Variants in LATS2 observed in about 807,000 individuals in gnomAD.
LATS2 encodes the protein large tumor suppressor kinase 2.
A neutral mutation model predicts 76.0 loss-of-function variants in LATS2; 24 were observed. That is an observed-to-expected ratio of 0.32 (90% CI 0.23 to 0.44). The LOEUF is 0.44. Ranked by LOEUF, LATS2 falls within the 20% of genes least tolerant of loss-of-function variation. The probability of loss-of-function intolerance (pLI) is 1.00; values close to 1 mark genes in which losing one functional copy is unlikely to be tolerated. For missense variants in LATS2, 1,286 were observed against 1,481.2 expected (o/e 0.87, Z 2.16); for synonymous variants, 692 against 635.4 (o/e 1.09, Z -1.34).
chr13:21,001,206 G>C (rs1044625554), intron 2 of LATS2, among the ~76,000 whole-genome samples: 1 of 152,202 alleles, frequency 6.6e-6, no homozygotes, highest in Non-Finnish European at 1.5e-5. Flanking sequence ...TGTCACAATG[G>C]AGATAGGTGA....
chr13:20,992,312 T>C (rs1870540788), intron 2 of LATS2, among the ~76,000 whole-genome samples: 1 of 152,108 alleles, frequency 6.6e-6, no homozygotes, highest in Admixed American at 6.5e-5. Context: ...TTTGCTCCTG[T>C]CTGCAGGCAT....
At chr13:21,006,035 G>A (rs2138327546) in intron 2 of LATS2, among the ~76,000 whole-genome samples, 2 of 152,148 alleles carry the variant, frequency 1.3e-5, no homozygotes, top group South Asian at 4.1e-4. Context: ...TACTCGGGAG[G>A]CTGAGGCAGG....
At chr13:21,016,851 C>A (rs1871819870) in intron 2 of LATS2, among the ~76,000 whole-genome samples, 1 of 152,224 alleles carries the variant, frequency 6.6e-6, no homozygotes, top group African/African-American at 2.4e-5. Context: ...CTCTCTTTAT[C>A]ACGGCAGAGT....
chr13:21,046,094 A>AC lies in LATS2; in HGVS notation c.-69dup. The AC allele has an allele frequency of 9.5e-7, 1 of 1,047,564 alleles. No homozygotes were observed. Among genetic ancestry groups the AC allele is most frequent in the Admixed American group, 2.6e-5 (1 of 39,124 alleles). The allele number at this position is 1,047,564 out of a possible 1,614,324, so 64.9% of individuals were successfully genotyped here. On this transcript the variant is annotated 5_prime_UTR_variant, in exon 2 of 8. Transcript: ENST00000382592. ...AGTGTTTTATTATTTAAAAAAAAAA[A>AC]CTGTCAATAGTATCAGTTTGTTGTA...
At chr13:21,041,165 G>A (rs183437445) in intron 2 of LATS2, among the ~76,000 whole-genome samples, 1 of 152,056 alleles carries the variant, frequency 6.6e-6, no homozygotes, top group Non-Finnish European at 1.5e-5. Flanking sequence ...GTACAGACAG[G>A]GTTTCACCAT....
At chr13:21,025,764 G>A (rs980884177) in intron 2 of LATS2, among the ~76,000 whole-genome samples, 2 of 152,148 alleles carry the variant, frequency 1.3e-5, no homozygotes, top group African/African-American at 4.8e-5. Flanking sequence ...TCCTCTGCAC[G>A]GAGGAGGAAG....
At chr13:20,998,691 C>A (rs977342505) in intron 2 of LATS2, among the ~76,000 whole-genome samples, 11 of 152,234 alleles carry the variant, frequency 7.2e-5, no homozygotes, top group Non-Finnish European at 1.5e-5. Context: ...CCCCTGAGCG[C>A]GGCGCTCCCG....
intron 2 of LATS2, among the ~76,000 whole-genome samples, chr13:21,037,250 A>T (rs1448797015): frequency 6.6e-6 from 1 of 152,154 alleles, no homozygotes; most frequent in African/African-American, 2.4e-5. Flanking sequence ...ACAAAAATAC[A>T]AAAATTAGCC....
chr13:20,999,092 C>T (rs1002772192), intron 2 of LATS2, among the ~76,000 whole-genome samples: 3 of 152,262 alleles, frequency 2.0e-5, no homozygotes, highest in African/African-American at 7.2e-5. Flanking sequence ...CTTGGGCAGG[C>T]GCAGCACGTG....
chr13:21,019,597 C>T (rs1399167363), intron 2 of LATS2, among the ~76,000 whole-genome samples: 1 of 140,096 alleles, frequency 7.1e-6, no homozygotes, highest in East Asian at 2.1e-4. Context: ...CCTGCCTCAG[C>T]CTCCCAAAGT....
rs1467365262 is a variant in LATS2 at position 21,036,162 on chromosome 13, C to G, written c.342+9523G>C. 3.9e-5 allele frequency among the ~76,000 whole-genome samples: 6 copies of G among 152,108 alleles called. No individual in the cohort carries two copies. In the East Asian group the frequency reaches 5.9e-4, roughly 15 times the overall value. On this transcript the variant is annotated intron_variant, in intron 2 of 7. Coordinates refer to ENST00000382592, the MANE Select transcript of LATS2 (RefSeq NM_014572.3). ...CCACCCCCCTCAGCCTCCCGAAGTGCTGGGATTACAGGCGTGAGCCACCGC... is the reference window on the plus strand; with the variant it reads ...CCACCCCCCTCAGCCTCCCGAAGTGGTGGGATTACAGGCGTGAGCCACCGC...
rs570724849 is a variant in LATS2, at chr13:21,000,671, ATTAT to A, written c.343-9271_343-9268del. Among the ~76,000 whole-genome samples, 79 of 152,272 alleles carry A rather than the reference ATTAT, an allele frequency of 5.2e-4. No homozygotes were observed. The South Asian group carries it at 7.1e-3, about 14-fold the overall frequency. On this transcript the variant is annotated intron_variant, in intron 2 of 7. Coordinates refer to ENST00000382592, the MANE Select transcript of LATS2 (RefSeq NM_014572.3). ...GCCACATGGCCACTACTAAACTATA[ATTAT>A]AATTAATATAGTCCTTAGAATACAC...
At chr13:21,059,226 T>C (rs1046862547) in intron 1 of LATS2, among the ~76,000 whole-genome samples, 12 of 152,372 alleles carry the variant, frequency 7.9e-5, no homozygotes, top group Middle Eastern at 3.4e-3. Context: ...AGCTATTAAT[T>C]TGAATTTTTT....
chr13:21,013,813 A>C (rs904236562), intron 2 of LATS2, among the ~76,000 whole-genome samples: 2 of 152,124 alleles, frequency 1.3e-5, no homozygotes, highest in Non-Finnish European at 2.9e-5. Flanking sequence ...AAAACAATTT[A>C]AAAAGGAATT....
intron 2 of LATS2, among the ~76,000 whole-genome samples, chr13:20,993,605 G>C (rs373324657): frequency 1.3e-4 from 20 of 152,130 alleles, no homozygotes; most frequent in African/African-American, 4.8e-4. Flanking sequence ...ATTGGAAAAT[G>C]GTAATAAGAA....
Position 20,988,534 on chromosome 13 carries a change from G to T in LATS2, c.1246C>A (p.Pro416Thr). Residue 416 changes from proline (P) to threonine (T), a missense_variant, in exon 4 of 8, where the codon CCC (proline) becomes ACC (threonine). By Grantham distance (38) the Pro-to-Thr change is conservative (BLOSUM62 -1). Coordinates refer to ENST00000382592, the MANE Select transcript of LATS2 (RefSeq NM_014572.3). ...GGCTCGGCCTTGCCAGGCGGACCGG[G>T]CCGCGGCTGGTGGCTGTTGAAGGAG... ...TNSFNSHQPR[P>T]GPPGKAEPSL... 6.4e-7 allele frequency: 1 copy of T among 1,572,878 alleles called. No individual in the cohort carries two copies. Among genetic ancestry groups the T allele is most frequent in the Non-Finnish European group, 8.6e-7 (1 of 1,168,134 alleles).
At chr13:21,007,544 A>T (rs1462442120) in intron 2 of LATS2, among the ~76,000 whole-genome samples, 11 of 7,318 alleles carry the variant, frequency 1.5e-3, no homozygotes, top group African/African-American at 8.6e-3. Context: ...ATATATATAT[A>T]GTATATATAT....
rs11842208 is a variant in LATS2 at position 21,047,851 on chromosome 13, G to C, written c.-204-1621C>G. ...CATTTGAATTCCTAGTCCTTGCTTA[G>C]ATGGGAAGGGGATTGTAAGCGTTTT... On this transcript the variant is annotated intron_variant, in intron 1 of 7. Coordinates refer to ENST00000382592, the MANE Select transcript of LATS2 (RefSeq NM_014572.3). Among the ~76,000 whole-genome samples the C allele has an allele frequency of 3.9e-5, 6 of 152,282 alleles. No individual in the cohort carries two copies. The East Asian group carries it at 9.6e-4, about 24-fold the overall frequency.
intron 2 of LATS2, among the ~76,000 whole-genome samples, chr13:21,037,299 G>C (rs1474435425): frequency 6.6e-6 from 1 of 152,168 alleles, no homozygotes; most frequent in Non-Finnish European, 1.5e-5. Context: ...AGCTACTCAG[G>C]AGGCTGACGG....
Sources: gnomAD v4.1 joint callset for allele counts (sites outside exome capture counted in the v4.1 genomes callset) on GRCh38, gnomAD v4.1.1 for gene constraint, MANE v1.5 for transcripts, NCBI Gene and HGNC (gene_info 2026-07-23, HGNC 2026-07-21) for gene names.